The following PRKAG2 variants were observed in gnomAD, a reference collection of about 807,000 sequenced individuals.
The protein encoded by PRKAG2 is protein kinase AMP-activated non-catalytic subunit gamma 2.
In PRKAG2, 26 loss-of-function variants were observed where a neutral mutation model predicts 69.6. The observed-to-expected ratio is 0.37, with a 90% CI of 0.27 to 0.52. The LOEUF (loss-of-function observed/expected upper bound fraction) is 0.52, where lower values mean the gene tolerates loss of function less well. PRKAG2 is among the 20% of genes least tolerant of loss of function. PRKAG2 has a pLI of 0.90. For missense variants in PRKAG2, 557 were observed against 740.0 expected (o/e 0.75, Z 2.87); for synonymous variants, 293 against 285.0 (o/e 1.03, Z -0.28).
At chr7:151,782,366 AGGGAG>A (rs1563663331) in intron 2 of PRKAG2, among the ~76,000 whole-genome samples, 5 of 84,400 alleles carry the variant, frequency 5.9e-5, no homozygotes, top group African/African-American at 2.1e-4. Context: ...GGAGGGAGGG[AGGGAG>A]GGAAGGAAAG....
intron 1 of PRKAG2, among the ~76,000 whole-genome samples, chr7:151,872,334 C>A (rs2080237372): frequency 6.6e-6 from 1 of 152,208 alleles, no homozygotes; most frequent in African/African-American, 2.4e-5. Flanking sequence ...TTGACACCAG[C>A]CCGTTTCCCA....
At chr7:151,631,904 C>G (rs967552768) in intron 5 of PRKAG2, 165 bp downstream of exon 5, 2 of 640,514 alleles carry the variant, frequency 3.1e-6, no homozygotes, top group African/African-American at 4.0e-5. Context: ...AGCTCGCCGG[C>G]GCCCGCATCC....
intron 1 of PRKAG2, among the ~76,000 whole-genome samples, chr7:151,793,677 C>A (rs1178461651): frequency 6.6e-6 from 1 of 152,244 alleles, no homozygotes; most frequent in African/African-American, 2.4e-5. Context: ...TGGTGACGGC[C>A]TTGGCAGGCC....
At chr7:151,646,654 T>C (rs933265124) in intron 4 of PRKAG2, among the ~76,000 whole-genome samples, 1 of 152,254 alleles carries the variant, frequency 6.6e-6, no homozygotes, top group Admixed American at 6.5e-5. Context: ...CCCGATACTG[T>C]ATAATTTTAG....
intron 4 of PRKAG2, 51 bp downstream of exon 4, chr7:151,675,369 G>C: frequency 6.5e-7 from 1 of 1,548,274 alleles, no homozygotes; most frequent in Non-Finnish European, 8.9e-7. Flanking sequence ...TAACTGCTCT[G>C]CCCTCCCTCT....
Position 151,716,244 on chromosome 7 carries a change from C to T in PRKAG2, c.467-40607G>A, listed in dbSNP as rs186939237. The stretch of plus-strand genomic sequence containing the variant: ...GGTGCTGAACCTGAGGTGCCCTTGG[C>T]CTTTAAGAAAACCGGAGATTAGAGG... On this transcript the variant is annotated intron_variant, in intron 3 of 15. Transcript: ENST00000287878. Among the ~76,000 whole-genome samples, 9 of 152,252 alleles carry T rather than the reference C, an allele frequency of 5.9e-5. No individual in the cohort carries two copies. In the East Asian group the frequency reaches 1.7e-3, roughly 29 times the overall value.
intron 3 of PRKAG2, among the ~76,000 whole-genome samples, chr7:151,754,940 G>A (rs1157536808): frequency 6.6e-6 from 1 of 152,002 alleles, no homozygotes; most frequent in Non-Finnish European, 1.5e-5. Context: ...AGGAAGGGTC[G>A]CTGCAGGCTC....
intron 3 of PRKAG2, among the ~76,000 whole-genome samples, chr7:151,714,013 A>G (rs1420235494): frequency 6.6e-6 from 1 of 152,044 alleles, no homozygotes; most frequent in Non-Finnish European, 1.5e-5. Context: ...ACCGGCACAT[A>G]CCCCCAAAGG....
intron 3 of PRKAG2, among the ~76,000 whole-genome samples, chr7:151,682,749 A>G (rs1834071324): frequency 6.6e-6 from 1 of 151,864 alleles, no homozygotes; most frequent in Admixed American, 6.6e-5. Context: ...AATCAGCCCC[A>G]ACACCACCAT....
intron 1 of PRKAG2, among the ~76,000 whole-genome samples, chr7:151,874,706 T>C (rs2080345677): frequency 6.6e-6 from 1 of 152,106 alleles, no homozygotes; most frequent in Non-Finnish European, 1.5e-5. Context: ...GGCAACATGG[T>C]AAAACCTCAT....
At chr7:151,701,709 G>A (rs926008916) in intron 3 of PRKAG2, among the ~76,000 whole-genome samples, 1 of 152,064 alleles carries the variant, frequency 6.6e-6, no homozygotes, top group African/African-American at 2.4e-5. Context: ...CGGCCTGGTG[G>A]TGGGCACCTG....
At chr7:151,623,459 A>C (rs576676640) in intron 5 of PRKAG2, among the ~76,000 whole-genome samples, 1 of 150,534 alleles carries the variant, frequency 6.6e-6, no homozygotes, top group South Asian at 2.1e-4. Flanking sequence ...CGCTCCTATG[A>C]GAATCTAATG....
intron 4 of PRKAG2, among the ~76,000 whole-genome samples, chr7:151,643,514 A>G (rs189982797): frequency 3.1e-4 from 47 of 152,340 alleles, no homozygotes; most frequent in African/African-American, 1.1e-3. Context: ...AATTACAAAC[A>G]TGATTGAGAC....
At chr7:151,651,371 C>T (rs1828469488) in intron 4 of PRKAG2, among the ~76,000 whole-genome samples, 1 of 152,146 alleles carries the variant, frequency 6.6e-6, no homozygotes, top group Non-Finnish European at 1.5e-5. Context: ...CTTTGGGAGG[C>T]CAAGGTGGGC....
At chr7:151,855,454 T>C (rs368702044) in intron 1 of PRKAG2, among the ~76,000 whole-genome samples, 262 of 4,032 alleles carry the variant, frequency 0.065, no homozygotes, top group Admixed American at 0.069. Context: ...ACACACACCA[T>C]CCTCCACACA....
chr7:151,803,894 C>T (rs1317480483), intron 1 of PRKAG2, among the ~76,000 whole-genome samples: 7 of 146,106 alleles, frequency 4.8e-5, no homozygotes, highest in African/African-American at 1.0e-4. Flanking sequence ...GTTGAGATCG[C>T]GCCACTGCAC....
intron 1 of PRKAG2, among the ~76,000 whole-genome samples, chr7:151,863,404 C>T (rs568636004): frequency 7.2e-5 from 11 of 152,220 alleles, no homozygotes; most frequent in African/African-American, 2.6e-4. Context: ...TCTGGGACAA[C>T]TCTGAAGGGT....
Position 151,782,420 on chromosome 7 carries a change from G to A in PRKAG2, c.187-989C>T, listed in dbSNP as rs866907987. ...AGGAAGGAAGGAAGGAAGGAAGGAA[G>A]GAAGGAAAGAAAGAAGGAAAGAAGG... is the stretch of plus-strand genomic sequence containing the variant. On this transcript the variant is annotated intron_variant, in intron 2 of 15. Coordinates refer to ENST00000287878, the MANE Select transcript of PRKAG2 (RefSeq NM_016203.4). 1.5e-4 allele frequency among the ~76,000 whole-genome samples: 22 copies of A among 144,630 alleles called. 1 individual carries two copies. Among genetic ancestry groups the A allele is most frequent in the East Asian group, 1.0e-3 (5 of 4,854 alleles). 94.9% of individuals were successfully genotyped at this position (144,630 alleles called of 152,430 possible).
chr7:151,724,711 CGGAGCAGCCGCT>C, intron 3 of PRKAG2, among the ~76,000 whole-genome samples: 1 of 147,296 alleles, frequency 6.8e-6, no homozygotes, highest in South Asian at 2.1e-4. Flanking sequence ...ACTCCCTAGC[CGGAGCAGCCGCT>C]TGCCCGCCCC....
Sources: allele counts gnomAD v4.1 joint callset (sites outside exome capture counted in the v4.1 genomes callset), GRCh38; gene constraint gnomAD v4.1.1; transcripts MANE v1.5; gene names NCBI Gene and HGNC (gene_info 2026-07-23, HGNC 2026-07-21).